The following SLC7A14 variants were observed in gnomAD, a reference collection of about 807,000 sequenced individuals.
SLC7A14 encodes solute carrier family 7 member 14.
A neutral mutation model predicts 60.2 loss-of-function variants in SLC7A14; 37 were observed. The observed-to-expected ratio is 0.61, with a 90% CI of 0.47 to 0.81. The LOEUF is 0.81. Among genes scored for constraint, SLC7A14 ranks in the 30% least tolerant of loss-of-function variants. The probability of loss-of-function intolerance (pLI) is 0.00; values close to 1 mark genes in which losing one functional copy is unlikely to be tolerated. For synonymous variants in SLC7A14, 399 were observed against 395.8 expected (o/e 1.01, Z -0.10); for missense variants, 886 against 982.7 (o/e 0.90, Z 1.32).
At chr3:170,560,980 T>A (rs1034468734) in intron 1 of SLC7A14, among the ~76,000 whole-genome samples, 1 of 152,170 alleles carries the variant, frequency 6.6e-6, no homozygotes, top group African/African-American at 2.4e-5. Context: ...GTACTTATGG[T>A]AACACATAGC....
chr3:170,480,400 T>C lies in SLC7A14; in HGVS notation c.1882A>G (p.Met628Val), dbSNP rs1446743441. 1.2e-6 allele frequency: 2 copies of C among 1,613,146 alleles called. No individual in the cohort carries two copies. Among genetic ancestry groups the C allele is most frequent in the Admixed American group, 3.3e-5 (2 of 59,960 alleles). ...GGCACAAAGGGGAGGCAAGGGGCCATGTAGGGCAGCTTCTTGGGGTTCTCT... is the reference window on the plus strand; with the variant it reads ...GGCACAAAGGGGAGGCAAGGGGCCACGTAGGGCAGCTTCTTGGGGTTCTCT... Reference protein sequence around the residue: ...QPENPKKLPYMAPCLPFVPAF... With the variant: ...QPENPKKLPYVAPCLPFVPAF... The change falls in exon 7 of 8, where the codon ATG becomes GTG. Residue 628 changes from methionine to valine, a missense_variant. Physicochemically the swap from Met to Val is conservative, Grantham distance 21. Transcript: ENST00000231706.
chr3:170,501,061 G>A, intron 3 of SLC7A14, 48 bp downstream of exon 3: 5 of 1,583,072 alleles, frequency 3.2e-6, no homozygotes, highest in Non-Finnish European at 4.3e-6. Context: ...TCATTTATGT[G>A]GCTTGGTAAG....
chr3:170,496,046 G>T (rs1712382833), intron 4 of SLC7A14: 9 of 1,257,540 alleles, frequency 7.2e-6, no homozygotes, highest in South Asian at 4.9e-5. Flanking sequence ...AAGCTTACAT[G>T]AACAAGGCAG....
chr3:170,544,690 A>C (rs1284449665), intron 1 of SLC7A14, among the ~76,000 whole-genome samples: 2 of 152,244 alleles, frequency 1.3e-5, no homozygotes, highest in East Asian at 3.8e-4. Context: ...TCTGCACCAT[A>C]AAAGTGGAAA....
intron 2 of SLC7A14, among the ~76,000 whole-genome samples, chr3:170,520,456 G>T (rs1713309482): frequency 6.6e-6 from 1 of 152,138 alleles, no homozygotes; most frequent in African/African-American, 2.4e-5. Flanking sequence ...AATAGCAATG[G>T]GTCCTTTGGA....
intron 2 of SLC7A14, among the ~76,000 whole-genome samples, chr3:170,525,022 G>A (rs76526366): frequency 2.0e-5 from 3 of 152,298 alleles, no homozygotes; most frequent in East Asian, 3.9e-4. Context: ...TATTCTACAC[G>A]TATGATATTA....
In SLC7A14 at chr3:170,561,427, A is replaced by G. The variant is rs144866032; in HGVS notation, c.-153+24484T>C. 7.7e-3 allele frequency among the ~76,000 whole-genome samples: 1,165 copies of G among 152,262 alleles called. 15 individuals are homozygous for G. The highest frequency in any genetic ancestry group is 0.027 in the African/African-American group (1,128 of 41,544). On this transcript the variant is annotated intron_variant, in intron 1 of 7. Transcript: ENST00000231706. ...GGTCCTACTGGGGTGTCATGAAGAG[A>G]GTACTGGATTAGAAGCCACAAGTCC...
At chr3:170,481,218 C>A in intron 6 of SLC7A14, 52 bp from the exon 7 acceptor site, 1 of 1,545,072 alleles carries the variant, frequency 6.5e-7, no homozygotes, top group Non-Finnish European at 8.7e-7. Flanking sequence ...GTGACCGATT[C>A]CAGTGCAGCC....
intron 1 of SLC7A14, among the ~76,000 whole-genome samples, chr3:170,536,110 G>A (rs568814505): frequency 6.6e-6 from 1 of 152,286 alleles, no homozygotes; most frequent in Admixed American, 6.5e-5. Context: ...TAAAATCCCT[G>A]AGCGTCAGTT....
Position 170,583,686 on chromosome 3 carries a change from A to T in SLC7A14, c.-153+2225T>A, listed in dbSNP as rs193201692. On this transcript the variant is annotated intron_variant, in intron 1 of 7. Coordinates refer to ENST00000231706, the MANE Select transcript of SLC7A14 (RefSeq NM_020949.3). The stretch of plus-strand genomic sequence containing the variant: ...AGTATAATTCTAAATATGAAAGTAC[A>T]TGTGGACTCTAGTTCTCCAGACTTC... 2.0e-5 allele frequency among the ~76,000 whole-genome samples: 3 copies of T among 152,388 alleles called. No individual in the cohort carries two copies. In the East Asian group the frequency reaches 5.8e-4, roughly 29 times the overall value.
At chr3:170,515,982 G>T (rs536583574) in intron 2 of SLC7A14, among the ~76,000 whole-genome samples, 1 of 152,302 alleles carries the variant, frequency 6.6e-6, no homozygotes, top group South Asian at 2.1e-4. Flanking sequence ...GCCCAGAGAA[G>T]GTGGTCAGTC....
At chr3:170,583,137 G>T (rs1340761293) in intron 1 of SLC7A14, among the ~76,000 whole-genome samples, 2 of 152,302 alleles carry the variant, frequency 1.3e-5, no homozygotes, top group East Asian at 3.9e-4. Flanking sequence ...GTTGCTTAGG[G>T]TAACCAATTT....
intron 1 of SLC7A14, among the ~76,000 whole-genome samples, chr3:170,545,708 T>C (rs1355458001): frequency 1.3e-5 from 2 of 152,254 alleles, no homozygotes; most frequent in African/African-American, 2.4e-5. Flanking sequence ...CCTCAATCTT[T>C]GCTATTTAAT....
intron 2 of SLC7A14, among the ~76,000 whole-genome samples, chr3:170,508,182 T>C (rs1247104240): frequency 6.6e-6 from 1 of 152,208 alleles, no homozygotes; most frequent in Non-Finnish European, 1.5e-5. Context: ...TACAGTCTCT[T>C]TTTTGTGGGC....
chr3:170,476,027 C>T (rs1711601656), intron 7 of SLC7A14, among the ~76,000 whole-genome samples: 1 of 152,174 alleles, frequency 6.6e-6, no homozygotes, highest in East Asian at 1.9e-4. Flanking sequence ...AATCACATTT[C>T]TAACTAGTTC....
At chr3:170,567,049 G>A (rs1282181779) in intron 1 of SLC7A14, among the ~76,000 whole-genome samples, 2 of 150,372 alleles carry the variant, frequency 1.3e-5, no homozygotes, top group Non-Finnish European at 3.0e-5. Context: ...GGGTACATGT[G>A]CACAATGTGC....
At chr3:170,526,549 T>C in intron 2 of SLC7A14, 84 bp downstream of exon 2, 4 of 1,516,880 alleles carry the variant, frequency 2.6e-6, no homozygotes, top group Non-Finnish European at 3.6e-6. Flanking sequence ...ATCTCACCAC[T>C]AAATACTCCG....
At chr3:170,534,145 G>A (rs189439023) in intron 1 of SLC7A14, among the ~76,000 whole-genome samples, 376 of 152,280 alleles carry the variant, frequency 2.5e-3, no homozygotes, top group African/African-American at 8.8e-3. Flanking sequence ...ATATTACAAT[G>A]GTGATGTTTG....
chr3:170,542,303 C>T (rs1323142460), intron 1 of SLC7A14, among the ~76,000 whole-genome samples: 1 of 152,206 alleles, frequency 6.6e-6, no homozygotes, highest in African/African-American at 2.4e-5. Flanking sequence ...CATTGACTCT[C>T]CCAGAGGCAA....
Sources: allele counts gnomAD v4.1 joint callset (sites outside exome capture counted in the v4.1 genomes callset), GRCh38; gene constraint gnomAD v4.1.1; transcripts MANE v1.5; gene names NCBI Gene and HGNC (gene_info 2026-07-23, HGNC 2026-07-21).